CELF1: variants seen among roughly 807,000 people sequenced by gnomAD.
The protein encoded by CELF1 is CUGBP Elav-like family member 1.
Under a neutral mutation model 61.8 loss-of-function variants are expected in CELF1, and 10 were observed. That is an observed-to-expected ratio of 0.16 (90% CI 0.10 to 0.27). The LOEUF (loss-of-function observed/expected upper bound fraction) is 0.27, where lower values mean the gene tolerates loss of function less well. Ranked by LOEUF, CELF1 falls within the 10% of genes least tolerant of loss-of-function variation. The pLI, the probability that CELF1 is intolerant of heterozygous loss-of-function variation, is 1.00. For missense variants in CELF1, 380 were observed against 639.1 expected, an observed-to-expected ratio of 0.59 and a Z score of 4.37; for synonymous variants, 236 against 225.1, an observed-to-expected ratio of 1.05 and a Z score of -0.43.
intron 1 of CELF1, among the ~76,000 whole-genome samples, chr11:47,534,022 CTTTTTTTTTT>C (rs71042679): frequency 1.9e-4 from 17 of 87,584 alleles, no homozygotes; most frequent in South Asian, 4.6e-4. Flanking sequence ...TTTTTCTTTC[CTTTTTTTTTT>C]TTTTTTTTTT....
At chr11:47,546,352 T>C (rs2096950346) in intron 1 of CELF1, among the ~76,000 whole-genome samples, 1 of 151,440 alleles carries the variant, frequency 6.6e-6, no homozygotes, top group Admixed American at 6.6e-5. Flanking sequence ...CTGCAACCTC[T>C]GTCTCCCTAG....
intron 1 of CELF1, among the ~76,000 whole-genome samples, chr11:47,543,542 C>A (rs1181110358): frequency 2.0e-5 from 3 of 152,176 alleles, no homozygotes; most frequent in Non-Finnish European, 2.9e-5. Context: ...AAAGAAACCT[C>A]TACTTTAAGA....
intron 2 of CELF1, among the ~76,000 whole-genome samples, chr11:47,562,992 T>A (rs1035950408): frequency 6.6e-6 from 1 of 151,986 alleles, no homozygotes; most frequent in Non-Finnish European, 1.5e-5. Flanking sequence ...GGATTACAGG[T>A]GTGAGCCACT....
intron 6 of CELF1, among the ~76,000 whole-genome samples, chr11:47,485,086 T>C (rs2085900258): frequency 6.6e-6 from 1 of 152,258 alleles, no homozygotes; most frequent in Non-Finnish European, 1.5e-5. Context: ...ATTCTGTGCC[T>C]GTTTCCTCAT....
In CELF1 at chr11:47,470,714, G is replaced by C. The variant is rs1271288480; in HGVS notation, c.*1516C>G. The stretch of plus-strand genomic sequence containing the variant: ...ATTTGTTGAGGTTTCAGATTCCAGA[G>C]ACCCAGGGATCCCATCCCTGGCTGT... On this transcript the variant is annotated 3_prime_UTR_variant, in exon 15 of 15. Transcript: ENST00000687097. 1 of 152,116 alleles carries C rather than the reference G, an allele frequency of 6.6e-6. No homozygotes were observed. The highest frequency in any genetic ancestry group is 1.5e-5 in the Non-Finnish European group (1 of 68,036). The allele number at this position is 152,116 out of a possible 1,614,324, so 9.4% of individuals were successfully genotyped here.
intron 1 of CELF1, among the ~76,000 whole-genome samples, chr11:47,540,182 T>G (rs914422317): frequency 5.3e-5 from 8 of 152,286 alleles, no homozygotes; most frequent in African/African-American, 1.9e-4. Flanking sequence ...AAAATCTTGC[T>G]GAAATAATAA....
intron 1 of CELF1, among the ~76,000 whole-genome samples, chr11:47,549,716 G>A (rs937173367): frequency 1.3e-5 from 2 of 152,130 alleles, no homozygotes; most frequent in East Asian, 1.9e-4. Flanking sequence ...TTTCAGATAC[G>A]CAAGATGAAA....
At chr11:47,489,935 G>GTTTTT (rs561900704) in intron 3 of CELF1, among the ~76,000 whole-genome samples, 1,102 of 48,156 alleles carry the variant, frequency 0.023, 304 homozygotes, top group African/African-American at 0.057. Flanking sequence ...ATACCATCTT[G>GTTTTT]TTTTTTTTTT....
At chr11:47,489,955 T>TTTTTTTTTTTTTTTTTTTTTTAA (rs71042675) in intron 3 of CELF1, among the ~76,000 whole-genome samples, 1 of 141,284 alleles carries the variant, frequency 7.1e-6, no homozygotes, top group Non-Finnish European at 1.5e-5. Flanking sequence ...TTTTTTTTTT[T>TTTTTTTTTTTTTTTTTTTTTTAA]GAGACGGAAT....
intron 9 of CELF1, among the ~76,000 whole-genome samples, chr11:47,480,362 C>T (rs1269285476): frequency 6.6e-6 from 1 of 152,190 alleles, no homozygotes; most frequent in African/African-American, 2.4e-5. Flanking sequence ...GCTGGGATTA[C>T]AGGCATAAGC....
intron 1 of CELF1, among the ~76,000 whole-genome samples, chr11:47,532,363 T>C (rs1280621141): frequency 6.6e-6 from 1 of 152,156 alleles, no homozygotes; most frequent in Non-Finnish European, 1.5e-5. Flanking sequence ...AAACAATGTA[T>C]AGCTTTAAAA....
chr11:47,479,116 A>G (rs545817340), intron 9 of CELF1, among the ~76,000 whole-genome samples, 164 bp from the exon 10 acceptor site: 1 of 152,198 alleles, frequency 6.6e-6, no homozygotes, highest in Non-Finnish European at 1.5e-5. Flanking sequence ...GGCTTATGAC[A>G]GCACAGGACA....
intron 11 of CELF1, 24 bp from the exon 12 acceptor site, chr11:47,476,983 A>ACG (rs1202845412): frequency 6.3e-7 from 1 of 1,578,212 alleles, no homozygotes. Flanking sequence ...AGGAGTTAAA[A>ACG]TTCAACCCAT....
At chr11:47,524,813 G>C (rs1019986829) in intron 1 of CELF1, 1 of 152,200 alleles carries the variant, frequency 6.6e-6, no homozygotes, top group African/African-American at 2.4e-5. Flanking sequence ...GTTGCTGAAA[G>C]GGGGCCATTA....
At position 47,475,525 on chromosome 11, in the gene CELF1, G is replaced by A; in HGVS notation, c.1088-4C>T. On this transcript the variant is annotated splice_polypyrimidine_tract_variant and splice_region_variant and intron_variant, in intron 12 of 14. Transcript: ENST00000687097. ...CCACCATTTAAAGCAGCCATTCCTT[G>A]GTTGGAGGAAGAGAAGGATTAATAT... The A allele has an allele frequency of 6.2e-7, 1 of 1,613,708 alleles. No homozygotes were observed.
chr11:47,482,513 C>CAT (rs935724326), intron 9 of CELF1, 182 bp downstream of exon 9: 19 of 465,342 alleles, frequency 4.1e-5, no homozygotes, highest in Admixed American at 7.7e-5. Context: ...TCCAGAGATA[C>CAT]ATATATATAG....
chr11:47,514,104 T>C (rs2153617617), intron 1 of CELF1: 1 of 152,076 alleles, frequency 6.6e-6, no homozygotes, highest in South Asian at 2.1e-4. Flanking sequence ...AATTTTTGTA[T>C]TTTTTAGTAC....
chr11:47,518,077 A>G (rs2095656051), intron 1 of CELF1, among the ~76,000 whole-genome samples: 1 of 152,202 alleles, frequency 6.6e-6, no homozygotes, highest in African/African-American at 2.4e-5. Flanking sequence ...AAACTCGTGG[A>G]ACTATAAAGC....
At position 47,478,968 on chromosome 11, in the gene CELF1, A is replaced by AAAAACAG; in HGVS notation, c.769-23_769-17dup. ...GCAAATAAAGCTAGACATTACACCA[A>AAAAACAG]AAAACAGAACAAGAGTGAGAGTGAG... On this transcript the variant is annotated splice_polypyrimidine_tract_variant and intron_variant, in intron 9 of 14. Coordinates refer to ENST00000687097, the MANE Select transcript of CELF1 (RefSeq NM_001376376.1). 1.2e-6 allele frequency: 2 copies of AAAAACAG among 1,605,060 alleles called. No homozygotes were observed. Among genetic ancestry groups the AAAAACAG allele is most frequent in the Non-Finnish European group, 1.7e-6 (2 of 1,174,810 alleles).
Sources: gnomAD v4.1 joint callset for allele counts (sites outside exome capture counted in the v4.1 genomes callset) on GRCh38, gnomAD v4.1.1 for gene constraint, MANE v1.5 for transcripts, NCBI Gene and HGNC (gene_info 2026-07-23, HGNC 2026-07-21) for gene names.